The following MSANTD2 variants were observed in gnomAD, a reference collection of about 807,000 sequenced individuals.
MSANTD2 encodes Myb/SANT DNA binding domain containing 2, also known as myb/SANT-like DNA-binding domain-containing protein 2.
A neutral mutation model predicts 52.6 loss-of-function variants in MSANTD2; 19 were observed. The observed-to-expected ratio is 0.36, with a 90% CI of 0.25 to 0.53. The LOEUF is 0.53. Among genes scored for constraint, MSANTD2 ranks in the 20% least tolerant of loss-of-function variants. The pLI is 0.91. For synonymous variants in MSANTD2, 291 were observed against 289.7 expected (o/e 1.00, Z -0.04); for missense variants, 558 against 716.3 (o/e 0.78, Z 2.52).
chr11:124,790,379 T>TGGG (rs1945292914), intron 1 of MSANTD2: 1 of 152,236 alleles, frequency 6.6e-6, no homozygotes, highest in South Asian at 2.1e-4. Flanking sequence ...TATGAAATAC[T>TGGG]GTTATGGTCT....
intron 1 of MSANTD2, among the ~76,000 whole-genome samples, chr11:124,776,575 G>A (rs1944754171): frequency 6.6e-6 from 1 of 152,264 alleles, no homozygotes; most frequent in South Asian, 2.1e-4. Context: ...GGGATTACAG[G>A]CGTGAGCCAC....
chr11:124,782,444 C>T (rs1282966951), intron 1 of MSANTD2, among the ~76,000 whole-genome samples: 1 of 151,892 alleles, frequency 6.6e-6, no homozygotes, highest in Non-Finnish European at 1.5e-5. Context: ...AGAGTGAGAC[C>T]CCTGTCTCTA....
At chr11:124,780,232 C>T (rs550014084) in intron 1 of MSANTD2, among the ~76,000 whole-genome samples, 1 of 152,264 alleles carries the variant, frequency 6.6e-6, no homozygotes, top group Non-Finnish European at 1.5e-5. Context: ...TCTTTTGACA[C>T]AGAGCTGTAA....
intron 2 of MSANTD2, 33 bp from the exon 3 acceptor site, chr11:124,773,087 T>C: frequency 7.7e-7 from 1 of 1,305,104 alleles, no homozygotes; most frequent in Non-Finnish European, 1.1e-6. Context: ...AAAGTTATAC[T>C]TTCCTAAGTG....
At chr11:124,770,356 G>A (rs1267782225) in intron 3 of MSANTD2, among the ~76,000 whole-genome samples, 1 of 151,082 alleles carries the variant, frequency 6.6e-6, no homozygotes, top group Non-Finnish European at 1.5e-5. Flanking sequence ...TGTCACCCAG[G>A]CTGGAATGCA....
At chr11:124,796,407 G>T (rs1441556533) in intron 1 of MSANTD2, among the ~76,000 whole-genome samples, 1 of 152,176 alleles carries the variant, frequency 6.6e-6, no homozygotes, top group Non-Finnish European at 1.5e-5. Flanking sequence ...AAAGTTAGAA[G>T]AAATTATTTA....
In MSANTD2 at chr11:124,795,402, CTGAAGTG is replaced by C. The variant is rs1342156765; in HGVS notation, c.510+4462_510+4468del. Among the ~76,000 whole-genome samples the C allele has an allele frequency of 2.0e-5, 3 of 152,306 alleles. No homozygotes were observed. In the East Asian group the frequency reaches 5.8e-4, roughly 29 times the overall value. ...TTTTGCAGTGCATCAGATTAACTGA[CTGAAGTG>C]TGAATGCAGCATCTGGCTCAGAGTG... On this transcript the variant is annotated intron_variant, in intron 1 of 3. Coordinates refer to ENST00000374979, the MANE Select transcript of MSANTD2 (RefSeq NM_001308027.2).
chr11:124,799,840 G>A (rs753841905), intron 1 of MSANTD2, 31 bp downstream of exon 1: 3 of 1,532,010 alleles, frequency 2.0e-6, no homozygotes, highest in Non-Finnish European at 2.6e-6. Context: ...TCTGCCTCTG[G>A]TTCGCTGCCC....
intron 1 of MSANTD2, among the ~76,000 whole-genome samples, chr11:124,798,531 T>C (rs139139769): frequency 3.3e-4 from 50 of 152,324 alleles, no homozygotes; most frequent in Non-Finnish European, 2.9e-4. Context: ...TCAAATACAC[T>C]AATTTAAATT....
chr11:124,769,566 T>A (rs1430255692), intron 3 of MSANTD2, among the ~76,000 whole-genome samples: 2 of 152,340 alleles, frequency 1.3e-5, no homozygotes, highest in African/African-American at 4.8e-5. Context: ...GTTTTATTGA[T>A]CTTACAGAGG....
chr11:124,768,158 C>T (rs1944371656), intron 3 of MSANTD2, 130 bp from the exon 4 acceptor site: 2 of 774,492 alleles, frequency 2.6e-6, no homozygotes, highest in Admixed American at 5.3e-5. Flanking sequence ...TGAAATGTGG[C>T]TGAGGTATTA....
At chr11:124,784,431 A>AC in intron 1 of MSANTD2, 1 of 985,176 alleles carries the variant, frequency 1.0e-6, no homozygotes, top group Non-Finnish European at 1.2e-6. Context: ...ACTCCCAAAC[A>AC]CCCTCCACTA....
rs561573376 is a variant in MSANTD2 at position 124,785,542 on chromosome 11, G to C, written c.511-10568C>G. 2.6e-5 allele frequency among the ~76,000 whole-genome samples: 4 copies of C among 152,320 alleles called. No individual in the cohort carries two copies. In the South Asian group the frequency reaches 8.3e-4, roughly 32 times the overall value. ...GTTATACCGAATTGAGGCAAGGTTG[G>C]ACCTTGGTATTTCAGCACTGACCAG... On this transcript the variant is annotated intron_variant, in intron 1 of 3. Transcript: ENST00000374979.
chr11:124,797,583 G>C (rs1182117728), intron 1 of MSANTD2, among the ~76,000 whole-genome samples: 1 of 152,198 alleles, frequency 6.6e-6, no homozygotes, highest in Non-Finnish European at 1.5e-5. Context: ...ACCAGAACCT[G>C]TCCTTAGAGA....
At chr11:124,784,910 G>A (rs1038355494) in intron 1 of MSANTD2, among the ~76,000 whole-genome samples, 3 of 152,002 alleles carry the variant, frequency 2.0e-5, no homozygotes, top group Non-Finnish European at 4.4e-5. Context: ...TATATTTTTT[G>A]CATTTACACA....
At chr11:124,787,259 TGTA>T (rs1191854859) in intron 1 of MSANTD2, among the ~76,000 whole-genome samples, 1 of 152,146 alleles carries the variant, frequency 6.6e-6, no homozygotes, top group Non-Finnish European at 1.5e-5. Flanking sequence ...AGGAATAACA[TGTA>T]GGAGTAACAT....
chr11:124,767,860 A>G lies in MSANTD2; in HGVS notation c.996T>C (p.Tyr332=), dbSNP rs2135225085. The G allele has an allele frequency of 6.2e-7, 1 of 1,614,272 alleles. No individual in the cohort carries two copies. The highest frequency in any genetic ancestry group is 2.2e-5 in the East Asian group (1 of 44,896). Residue 332 remains tyrosine, a synonymous_variant, in exon 4 of 4, where the codon TAT becomes TAC. Transcript: ENST00000374979. This position sits in a 1 kb window ranked among gnomAD's most constrained non-coding sequence, Gnocchi z 6.5. ...GGGGCACCTGGGAGCTGATCTCAGC[A>G]TAATGGTAACGGATATCCTCTTTCC... ...TRWKEDIRYH[Y]AEISSQVPLG...
chr11:124,793,012 T>C (rs1945378997), intron 1 of MSANTD2, among the ~76,000 whole-genome samples: 1 of 152,120 alleles, frequency 6.6e-6, no homozygotes, highest in Admixed American at 6.5e-5. Context: ...AAGAAAGATA[T>C]CAAAAAGATA....
rs571270902 is a variant in MSANTD2 at position 124,767,065 on chromosome 11, G to A, written c.*111C>T. ...AGTCGTACTGGCCCAATTGAAGAAA[G>A]GGTTTCCATGAAGAGTCTGACGGCG... On this transcript the variant is annotated 3_prime_UTR_variant, in exon 4 of 4. Coordinates refer to ENST00000374979, the MANE Select transcript of MSANTD2 (RefSeq NM_001308027.2). This position sits in a 1 kb window ranked among gnomAD's most constrained non-coding sequence, Gnocchi z 6.5. The A allele has an allele frequency of 5.4e-6, 6 of 1,115,384 alleles. No homozygotes were observed. Among genetic ancestry groups the A allele is most frequent in the South Asian group, 3.1e-5 (2 of 63,508 alleles). The allele number at this position is 1,115,384 out of a possible 1,614,324, so 69.1% of individuals were successfully genotyped here.
Sources: allele counts gnomAD v4.1 joint callset (sites outside exome capture counted in the v4.1 genomes callset), GRCh38; gene constraint gnomAD v4.1.1; non-coding constraint Gnocchi (gnomAD v3.1); transcripts MANE v1.5; gene names NCBI Gene and HGNC (gene_info 2026-07-23, HGNC 2026-07-21).